SGCZ: variants seen among roughly 807,000 people sequenced by gnomAD.
SGCZ encodes zeta-sarcoglycan.
Under a neutral mutation model 41.3 loss-of-function variants are expected in SGCZ, and 40 were observed. The observed-to-expected ratio is 0.97, with a 90% CI of 0.75 to 1.26. The LOEUF is 1.26. SGCZ is among the 50% of genes most tolerant of loss of function. The pLI is 0.00. For missense variants in SGCZ, 552 were observed against 369.8 expected (o/e 1.49, Z -4.04); for synonymous variants, 206 against 137.5 (o/e 1.50, Z -3.49).
chr8:14,459,623 A>T (rs1563343575), intron 2 of SGCZ, among the ~76,000 whole-genome samples: 1 of 152,104 alleles, frequency 6.6e-6, no homozygotes. Flanking sequence ...TTATACAAGG[A>T]CAAAAACAGT....
chr8:14,750,989 A>T (rs1250791170), intron 1 of SGCZ, among the ~76,000 whole-genome samples: 2 of 152,158 alleles, frequency 1.3e-5, no homozygotes, highest in East Asian at 3.9e-4. Context: ...ATTGTTATGA[A>T]CCAAATGAAA....
chr8:14,297,089 T>A (rs1343109140), intron 3 of SGCZ, among the ~76,000 whole-genome samples: 1 of 151,954 alleles, frequency 6.6e-6, no homozygotes, highest in Non-Finnish European at 1.5e-5. Flanking sequence ...GCCCAGCTAA[T>A]TTTTTGTATT....
intron 1 of SGCZ, among the ~76,000 whole-genome samples, chr8:15,030,846 G>A (rs1803634801): frequency 6.6e-6 from 1 of 152,028 alleles, no homozygotes; most frequent in Admixed American, 6.5e-5. Context: ...GGCTATTTGA[G>A]GCAAAGCTAA....
intron 1 of SGCZ, among the ~76,000 whole-genome samples, chr8:15,112,212 AT>A (rs1807095832): frequency 6.6e-6 from 1 of 152,260 alleles, no homozygotes; most frequent in South Asian, 2.1e-4. Context: ...AAATGAGCAA[AT>A]TCCTAAGAAG....
chr8:14,898,690 T>A, intron 1 of SGCZ, among the ~76,000 whole-genome samples: 1 of 152,116 alleles, frequency 6.6e-6, no homozygotes, highest in Non-Finnish European at 1.5e-5. Context: ...AGAGTCAAGT[T>A]TAAGAATAAT....
intron 2 of SGCZ, among the ~76,000 whole-genome samples, chr8:14,476,072 T>C (rs1801350899): frequency 6.6e-6 from 1 of 152,124 alleles, no homozygotes; most frequent in South Asian, 2.1e-4. Flanking sequence ...CCCAAAGTAT[T>C]GGGATTACTG....
chr8:14,235,333 G>A (rs1806717604), intron 4 of SGCZ, among the ~76,000 whole-genome samples: 1 of 152,192 alleles, frequency 6.6e-6, no homozygotes, highest in South Asian at 2.1e-4. Context: ...ATATTAAATA[G>A]TTTTTAAGTG....
At chr8:14,177,958 C>CTTTTCTTTTTTTT (rs767919994) in intron 4 of SGCZ, among the ~76,000 whole-genome samples, 6 of 95,048 alleles carry the variant, frequency 6.3e-5, no homozygotes, top group African/African-American at 2.2e-4. Flanking sequence ...CTTTTTTTTT[C>CTTTTCTTTTTTTT]TTTTTTTTTT....
intron 1 of SGCZ, among the ~76,000 whole-genome samples, chr8:15,175,524 G>A (rs1026121346): frequency 2.6e-5 from 4 of 152,062 alleles, no homozygotes; most frequent in Non-Finnish European, 5.9e-5. Flanking sequence ...TACACACACT[G>A]GGGCCTGTTG....
chr8:14,745,924 T>G (rs1799328539), intron 1 of SGCZ, among the ~76,000 whole-genome samples: 1 of 152,090 alleles, frequency 6.6e-6, no homozygotes, highest in Non-Finnish European at 1.5e-5. Context: ...TTTAAAAGAC[T>G]TATGCTTACA....
At chr8:15,004,367 T>C (rs186556354) in intron 1 of SGCZ, among the ~76,000 whole-genome samples, 19 of 152,056 alleles carry the variant, frequency 1.2e-4, no homozygotes, top group African/African-American at 4.3e-4. Flanking sequence ...CCCGCAAGCC[T>C]AGGGTGGATA....
intron 2 of SGCZ, among the ~76,000 whole-genome samples, chr8:14,515,985 G>A (rs1249226572): frequency 1.3e-5 from 2 of 150,376 alleles, no homozygotes; most frequent in African/African-American, 2.5e-5. Flanking sequence ...GCAATAATTA[G>A]GAAGAAATAG....
intron 1 of SGCZ, among the ~76,000 whole-genome samples, chr8:15,072,898 T>C (rs1287413102): frequency 1.3e-5 from 2 of 152,156 alleles, no homozygotes; most frequent in African/African-American, 4.8e-5. Flanking sequence ...CTCTCTAGGG[T>C]CCAGAAAGAG....
At chr8:14,412,006 G>A (rs1352830979) in intron 2 of SGCZ, among the ~76,000 whole-genome samples, 1 of 152,072 alleles carries the variant, frequency 6.6e-6, no homozygotes, top group African/African-American at 2.4e-5. Context: ...TTAAATGCAA[G>A]GGCGTGCATC....
At chr8:14,229,285 A>G (rs1467359899) in intron 4 of SGCZ, among the ~76,000 whole-genome samples, 2 of 151,960 alleles carry the variant, frequency 1.3e-5, no homozygotes, top group Non-Finnish European at 2.9e-5. Context: ...TAATATAAAT[A>G]CTCCTTTGAT....
At chr8:14,566,807 G>A (rs1226518020) in intron 1 of SGCZ, among the ~76,000 whole-genome samples, 1 of 152,214 alleles carries the variant, frequency 6.6e-6, no homozygotes, top group Non-Finnish European at 1.5e-5. Context: ...CCCTCAGCTT[G>A]CGGGGAGGTG....
chr8:14,840,360 C>G (rs1563307303), intron 1 of SGCZ, among the ~76,000 whole-genome samples: 1 of 152,020 alleles, frequency 6.6e-6, no homozygotes, highest in Non-Finnish European at 1.5e-5. Flanking sequence ...ATAACTGAAT[C>G]AATAATCAAA....
chr8:15,143,557 TTTAAG>T (rs1282647951), intron 1 of SGCZ, among the ~76,000 whole-genome samples: 2 of 152,238 alleles, frequency 1.3e-5, no homozygotes, highest in Non-Finnish European at 2.9e-5. Flanking sequence ...TTAGGTTTTA[TTTAAG>T]TTACTTCTTT....
At chr8:14,955,497 G>T (rs980665878) in intron 1 of SGCZ, among the ~76,000 whole-genome samples, 4 of 152,162 alleles carry the variant, frequency 2.6e-5, no homozygotes, top group African/African-American at 9.7e-5. Context: ...ATACCAAGCT[G>T]TTTTCCAAAG....
Sources: allele counts gnomAD v4.1 joint callset (sites outside exome capture counted in the v4.1 genomes callset), GRCh38; gene constraint gnomAD v4.1.1; transcripts MANE v1.5; gene names NCBI Gene and HGNC (gene_info 2026-07-23, HGNC 2026-07-21).